The following TSBP1 variants were observed in gnomAD, a reference collection of about 807,000 sequenced individuals.
TSBP1 encodes testis expressed basic protein 1.
Under a neutral mutation model 68.8 loss-of-function variants are expected in TSBP1, and 56 were observed. That is an observed-to-expected ratio of 0.81 (90% confidence interval 0.66 to 1.02). The LOEUF is 1.02. Among genes scored for constraint, TSBP1 ranks in the 50% least tolerant of loss-of-function variants. The pLI, the probability that TSBP1 is intolerant of heterozygous loss-of-function variation, is 0.00. For missense variants in TSBP1, 502 were observed against 641.2 expected, an observed-to-expected ratio of 0.78 and a Z score of 2.34; for synonymous variants, 171 against 208.7, an observed-to-expected ratio of 0.82 and a Z score of 1.56.
chr6:32,357,489 T>C lies in TSBP1; in HGVS notation c.218-1820A>G, dbSNP rs1026012552. On this transcript the variant is annotated intron_variant, in intron 6 of 22. Coordinates refer to ENST00000612031, the Ensembl canonical transcript of TSBP1. The surrounding 1 kb of genome is among the most constrained non-coding windows in gnomAD (Gnocchi z 4.7). ...AAGCATAAGTTTCTCTTCTGTAAAT[T>C]AGGGATAACAATAGTAAATTACTTT... Among the ~76,000 whole-genome samples, 1 of 152,176 alleles carries C rather than the reference T, an allele frequency of 6.6e-6. No individual in the cohort carries two copies. The highest frequency in any genetic ancestry group is 2.4e-5 in the African/African-American group (1 of 41,448).
At position 32,294,162 on chromosome 6, in the gene TSBP1, A is replaced by G. The variant is rs1241162230; in HGVS notation, c.638-127T>C. The G allele has an allele frequency of 4.8e-6, 5 of 1,038,590 alleles. No individual in the cohort carries two copies. In the African/African-American group the frequency reaches 7.9e-5, roughly 16 times the overall value. The allele number at this position is 1,038,590 out of a possible 1,614,324, so 64.3% of individuals were successfully genotyped here. A position where few individuals can be genotyped will look rare whatever the true frequency, so the allele number is the denominator to read the frequency against. On this transcript the variant is annotated intron_variant, in intron 22 of 22. Transcript: ENST00000612031. ...CAAACTAAAATTTTTCTGAATCTCA[A>G]GTTATCTAAAATGATGGTTCTCTGT...
chr6:32,371,882 T>G, exon 1 of TSBP1: 1 of 676,198 alleles, frequency 1.5e-6, no homozygotes, highest in Non-Finnish European at 2.6e-6. Context: ...TGGAGCAGAT[T>G]GATCAGACCT....
At position 32,302,952 on chromosome 6, in the gene TSBP1, AT is replaced by A. The variant is rs906642013; in HGVS notation, c.581-324del. On this transcript the variant is annotated intron_variant, in intron 19 of 22. Coordinates refer to ENST00000612031, the Ensembl canonical transcript of TSBP1. This position sits in a 1 kb window ranked among gnomAD's most constrained non-coding sequence, Gnocchi z 5.1. ...CAAGACTCCTGCTTAAGAGCCACCA[AT>A]GGTTCCCCATCTTGGTTTAACAAAA... Among the ~76,000 whole-genome samples, 30 of 152,276 alleles carry A rather than the reference AT, an allele frequency of 2.0e-4. 1 individual carries two copies. Among genetic ancestry groups the A allele is most frequent in the African/African-American group, 7.0e-4 (29 of 41,556 alleles).
chr6:32,365,489 C>G lies in TSBP1; in HGVS notation c.217+678G>C. 2 of 456,726 alleles carry G rather than the reference C, an allele frequency of 4.4e-6. No individual in the cohort carries two copies. The highest frequency in any genetic ancestry group is 7.0e-5 in the East Asian group (1 of 14,384). The allele number at this position is 456,726 out of a possible 1,614,324, so 28.3% of individuals were successfully genotyped here. ...ATGGCAGGCTTTCTGATGAGGCTTT[C>G]TGATGAGTGGGTTCTGCAGTCTCTT... On this transcript the variant is annotated intron_variant, in intron 6 of 22. Transcript: ENST00000612031. The surrounding 1 kb of genome is among the most constrained non-coding windows in gnomAD (Gnocchi z 4.3).
chr6:32,309,789 A>G (rs570142542), intron 19 of TSBP1, among the ~76,000 whole-genome samples: 45 of 152,282 alleles, frequency 3.0e-4, no homozygotes, highest in African/African-American at 9.6e-4. Flanking sequence ...AAAATGTACA[A>G]TAAATTTCCT....
At chr6:32,300,182 T>G (rs2127562064) in intron 21 of TSBP1, among the ~76,000 whole-genome samples, 1 of 152,338 alleles carries the variant, frequency 6.6e-6, no homozygotes, top group African/African-American at 2.4e-5. Context: ...TCACTTCTAC[T>G]GAAATTCAAA....
At chr6:32,324,348 C>A in intron 16 of TSBP1, 1 of 476,910 alleles carries the variant, frequency 2.1e-6, no homozygotes, top group Non-Finnish European at 3.9e-6. Flanking sequence ...ACCATTTTTT[C>A]CCTTTTTAAG....
intron 6 of TSBP1, among the ~76,000 whole-genome samples, chr6:32,359,053 T>C (rs1237502201): frequency 6.8e-6 from 1 of 147,652 alleles, no homozygotes; most frequent in Non-Finnish European, 1.5e-5. Context: ...TATCTCCCAA[T>C]GCTATCCCTC....
At chr6:32,349,576 T>C in intron 9 of TSBP1, 164 bp downstream of exon 9, 2 of 582,804 alleles carry the variant, frequency 3.4e-6, no homozygotes, top group South Asian at 2.4e-5. Context: ...TACTTTTGAC[T>C]GATTATTGAA....
At chr6:32,301,713 A>ATTT (rs750815108) in intron 20 of TSBP1, among the ~76,000 whole-genome samples, 4,049 of 150,008 alleles carry the variant, frequency 0.027, 66 homozygotes, top group South Asian at 0.039. Flanking sequence ...CTGTTTTAAA[A>ATTT]AAAAAAAAAA....
intron 22 of TSBP1, 142 bp downstream of exon 25, chr6:32,299,780 A>C: frequency 1.4e-6 from 1 of 694,116 alleles, no homozygotes; most frequent in Non-Finnish European, 2.6e-6. Flanking sequence ...GCGGGGGGGA[A>C]CCTTGGAAGT....
chr6:32,315,201 C>T lies in TSBP1; in HGVS notation c.580+571G>A, dbSNP rs907882294. ...ATTCTATATTAAATATCATCATGGT[C>T]AACGCTTGATCTGGTTTAAAAATTG... On this transcript the variant is annotated intron_variant, in intron 19 of 22. Coordinates refer to ENST00000612031, the Ensembl canonical transcript of TSBP1. The surrounding 1 kb of genome is among the most constrained non-coding windows in gnomAD (Gnocchi z 5.4). 2.6e-4 allele frequency among the ~76,000 whole-genome samples: 40 copies of T among 152,174 alleles called. No homozygotes were observed. Among genetic ancestry groups the T allele is most frequent in the African/African-American group, 8.4e-4 (35 of 41,520 alleles).
intron 19 of TSBP1, among the ~76,000 whole-genome samples, chr6:32,313,013 G>A (rs1261759888): frequency 2.0e-5 from 3 of 151,906 alleles, no homozygotes; most frequent in African/African-American, 4.8e-5. Flanking sequence ...TTCTCATGAT[G>A]CCTAGAATGA....
intron 19 of TSBP1, among the ~76,000 whole-genome samples, chr6:32,307,782 T>G (rs1327658009): frequency 6.6e-6 from 1 of 151,882 alleles, no homozygotes; most frequent in Non-Finnish European, 1.5e-5. Context: ...TGCCTGGTTT[T>G]TTTTTTTTTT....
chr6:32,296,194 T>C (rs1259927058), intron 22 of TSBP1, among the ~76,000 whole-genome samples: 1 of 152,190 alleles, frequency 6.6e-6, no homozygotes, highest in African/African-American at 2.4e-5. Flanking sequence ...CTTTTCGTTT[T>C]TTACATTTAG....
rs181934233 is a variant in TSBP1 at position 32,337,022 on chromosome 6, A to C, written c.410-387T>G. Among the ~76,000 whole-genome samples, 162 of 152,328 alleles carry C rather than the reference A, an allele frequency of 1.1e-3. 5 individuals carry two copies. The highest frequency in any genetic ancestry group is 9.9e-3 in the Admixed American group (151 of 15,294). ...TGAGTGAGAAATCCTGCAGGGGTAG[A>C]AATGGTAACAGTTAGGATGTGGAGA... On this transcript the variant is annotated intron_variant, in intron 11 of 22. Coordinates refer to ENST00000612031, the Ensembl canonical transcript of TSBP1. The surrounding 1 kb of genome is among the most constrained non-coding windows in gnomAD (Gnocchi z 5.5).
intron 15 of TSBP1, 143 bp downstream of exon 16, chr6:32,331,891 A>C (rs560335688): frequency 1.5e-6 from 1 of 682,368 alleles, no homozygotes; most frequent in Admixed American, 2.5e-5. Flanking sequence ...TCCAAAACCT[A>C]ACAGTTACGA....
At chr6:32,345,096 C>CCTCCTACTA (rs1290579639) in intron 9 of TSBP1, among the ~76,000 whole-genome samples, 1 of 151,782 alleles carries the variant, frequency 6.6e-6, no homozygotes, top group East Asian at 1.9e-4. Context: ...CCTCCAGGAT[C>CCTCCTACTA]CTCCTACTTC....
intron 1 of TSBP1, among the ~76,000 whole-genome samples, chr6:32,371,448 C>G (rs1319832433): frequency 6.6e-6 from 1 of 152,120 alleles, no homozygotes; most frequent in Non-Finnish European, 1.5e-5. Flanking sequence ...TGGTTATTTT[C>G]TTTGTTCAGT....
Sources: gnomAD v4.1 joint callset for allele counts (sites outside exome capture counted in the v4.1 genomes callset) on GRCh38, gnomAD v4.1.1 for gene constraint, Gnocchi (gnomAD v3.1) non-coding constraint, MANE v1.5 for transcripts, NCBI Gene and HGNC (gene_info 2026-07-23, HGNC 2026-07-21) for gene names.